Variants in ZW10 observed in about 807,000 individuals in gnomAD.
The protein encoded by ZW10 is zw10 kinetochore protein, also known as centromere/kinetochore protein zw10 homolog.
A neutral mutation model predicts 87.8 loss-of-function variants in ZW10; 53 were observed. That is an observed-to-expected ratio of 0.60 (90% CI 0.48 to 0.76). The LOEUF is 0.76. Ranked by LOEUF, ZW10 falls within the 30% of genes least tolerant of loss-of-function variation. ZW10 has a pLI of 0.00. For synonymous variants in ZW10, 312 were observed against 329.2 expected, an observed-to-expected ratio of 0.95 and a Z score of 0.57; for missense variants, 837 against 923.0, an observed-to-expected ratio of 0.91 and a Z score of 1.21.
intron 2 of ZW10, among the ~76,000 whole-genome samples, chr11:113,763,605 C>T (rs1953884379): frequency 6.6e-6 from 1 of 152,208 alleles, no homozygotes; most frequent in Non-Finnish European, 1.5e-5. Flanking sequence ...ATTTGCATTT[C>T]TCTGATTCAG....
intron 11 of ZW10, among the ~76,000 whole-genome samples, chr11:113,740,906 A>T (rs750130099): frequency 2.8e-4 from 43 of 152,234 alleles, no homozygotes; most frequent in Non-Finnish European, 4.7e-4. Flanking sequence ...ATCCCCAAGG[A>T]CAAGGCTGTC....
At chr11:113,759,395 A>G (rs1953833556) in intron 5 of ZW10, among the ~76,000 whole-genome samples, 1 of 152,182 alleles carries the variant, frequency 6.6e-6, no homozygotes, top group African/African-American at 2.4e-5. Flanking sequence ...ACATACACAT[A>G]TGCACATATG....
At chr11:113,760,710 A>AAAAAAAAAAAAAAAAAC in intron 3 of ZW10, 107 bp downstream of exon 3, 1 of 510,118 alleles carries the variant, frequency 2.0e-6, no homozygotes, top group Non-Finnish European at 3.1e-6. Flanking sequence ...AAAAAGAAAG[A>AAAAAAAAAAAAAAAAAC]AAAAAAAATA....
In ZW10 at chr11:113,760,536, T is replaced by C. The variant is rs1247702265; in HGVS notation, c.397A>G (p.Thr133Ala). ...ACCTCTTCCAGACGCTGAGCACCAGTGACATACTTCTTCTCTGTTAATGCA... is the reference window on the plus strand; with the variant it reads ...ACCTCTTCCAGACGCTGAGCACCAGCGACATACTTCTTCTCTGTTAATGCA... ...NCALTEKKYV[T>A]GAQRLEEAQK... The change falls in exon 4 of 16, where the codon ACT (threonine) becomes GCT (alanine). Residue 133 changes from threonine to alanine, a missense_variant. Coordinates refer to ENST00000200135, the MANE Select transcript of ZW10 (RefSeq NM_004724.4). 9 of 1,613,940 alleles carry C rather than the reference T, an allele frequency of 5.6e-6. No homozygotes were observed. The highest frequency in any genetic ancestry group is 8.5e-7 in the Non-Finnish European group (1 of 1,179,934).
intron 7 of ZW10, among the ~76,000 whole-genome samples, chr11:113,754,533 G>A (rs77900725): frequency 0.085 from 12,891 of 152,008 alleles, 592 homozygotes; most frequent in Middle Eastern, 0.17. Flanking sequence ...TACTCTGCTT[G>A]TGCTCTAGAG....
At chr11:113,770,973 T>A (rs1953960320) in intron 1 of ZW10, among the ~76,000 whole-genome samples, 1 of 122,482 alleles carries the variant, frequency 8.2e-6, no homozygotes, top group Non-Finnish European at 1.8e-5. Flanking sequence ...GGATGCTATT[T>A]TTTTTTTTTT....
chr11:113,737,393 T>C (rs577448227), intron 14 of ZW10, among the ~76,000 whole-genome samples, 179 bp downstream of exon 14: 35 of 150,260 alleles, frequency 2.3e-4, no homozygotes, highest in Non-Finnish European at 3.5e-4. Context: ...CCTACTTTCA[T>C]ATAAAAGAGA....
intron 2 of ZW10, among the ~76,000 whole-genome samples, chr11:113,763,174 T>C (rs1953879688): frequency 6.6e-6 from 1 of 152,208 alleles, no homozygotes; most frequent in African/African-American, 2.4e-5. Flanking sequence ...GCTTCATCCA[T>C]ATCCCTACAA....
chr11:113,751,358 C>T (rs769230077), intron 7 of ZW10: 30 of 156,004 alleles, frequency 1.9e-4, no homozygotes, highest in Admixed American at 2.6e-4. Flanking sequence ...ACTTTTGATA[C>T]ATTTTTTCCA....
rs1268859003 is a variant in ZW10 at position 113,748,319 on chromosome 11, T to C, written c.1027A>G (p.Ile343Val). 1 of 1,613,734 alleles carries C rather than the reference T, an allele frequency of 6.2e-7. No individual in the cohort carries two copies. The highest frequency in any genetic ancestry group is 1.7e-5 in the Admixed American group (1 of 59,906). ...ATCGAATAAACCAAACAGTTTTTGATGAGGCACTCAGACAAGTCCTCCCAG... is the reference window on the plus strand; with the variant it reads ...ATCGAATAAACCAAACAGTTTTTGACGAGGCACTCAGACAAGTCCTCCCAG... ...MIWEDLSECL[I>V]KNCLVYSIPT... Residue 343 changes from isoleucine to valine, a missense_variant, in exon 8 of 16, where the codon ATC becomes GTC. By Grantham distance (29) the Ile-to-Val change is conservative. Transcript: ENST00000200135.
intron 12 of ZW10, 116 bp downstream of exon 12, chr11:113,739,097 T>C: frequency 5.2e-6 from 6 of 1,161,744 alleles, no homozygotes; most frequent in Non-Finnish European, 7.2e-6. Context: ...TCCCACTTTC[T>C]GATACAGCTC....
intron 10 of ZW10, 91 bp downstream of exon 10, chr11:113,743,711 A>G: frequency 9.3e-7 from 1 of 1,072,246 alleles, no homozygotes; most frequent in Non-Finnish European, 1.4e-6. Flanking sequence ...ATGAAAACCC[A>G]AAGAATTCCA....
At position 113,760,870 on chromosome 11, in the gene ZW10, G is replaced by C. The variant is rs746102829; in HGVS notation, c.289C>G (p.Gln97Glu). 1 of 1,613,962 alleles carries C rather than the reference G, an allele frequency of 6.2e-7. No homozygotes were observed. Among genetic ancestry groups the C allele is most frequent in the Non-Finnish European group, 8.5e-7 (1 of 1,180,024 alleles). Residue 97 changes from glutamine (Q) to glutamate (E), a missense_variant, in exon 3 of 16, where the codon CAG becomes GAG. Gln to Glu is a conservative substitution (Grantham distance 29). Transcript: ENST00000200135. ...VSTGEFTDLK[Q>E]QLERDSVVLS... ...ACAACTGAGTCTCTTTCCAACTGCT[G>C]CTTTAAGTCTGTAAATTCACCGGTT...
intron 7 of ZW10, among the ~76,000 whole-genome samples, chr11:113,755,084 T>C (rs1280086011): frequency 2.0e-5 from 3 of 152,246 alleles, no homozygotes; most frequent in Non-Finnish European, 2.9e-5. Flanking sequence ...GAGATTAATA[T>C]GTTTTGATGC....
intron 2 of ZW10, among the ~76,000 whole-genome samples, chr11:113,767,668 T>C (rs184655289): frequency 1.3e-5 from 2 of 152,290 alleles, no homozygotes; most frequent in Admixed American, 6.5e-5. Context: ...TCAAATCTGA[T>C]GTCACTCTCT....
intron 9 of ZW10, among the ~76,000 whole-genome samples, chr11:113,744,255 C>T (rs1400537623): frequency 1.3e-5 from 2 of 152,008 alleles, no homozygotes; most frequent in East Asian, 2.0e-4. Flanking sequence ...GGCGTGGCAG[C>T]GTGCGCCTGT....
chr11:113,735,008 G>A (rs1035581268), intron 15 of ZW10, among the ~76,000 whole-genome samples: 3 of 152,100 alleles, frequency 2.0e-5, no homozygotes, highest in African/African-American at 7.2e-5. Flanking sequence ...TACCCCTCAT[G>A]GAGAGCATTT....
chr11:113,733,573 A>G lies in ZW10; in HGVS notation c.*121T>C. ...GGTAAGACGTTCTTCTGTAAAGTCA[A>G]ACTTCCAAGATGTACTGGTTCACCA... On this transcript the variant is annotated 3_prime_UTR_variant, in exon 16 of 16. Transcript: ENST00000200135. 2 of 1,383,420 alleles carry G rather than the reference A, an allele frequency of 1.4e-6. No homozygotes were observed. The highest frequency in any genetic ancestry group is 2.0e-6 in the Non-Finnish European group (2 of 995,782). The allele number at this position is 1,383,420 out of a possible 1,614,324, so 85.7% of individuals were successfully genotyped here.
chr11:113,760,657 G>C, intron 3 of ZW10, 67 bp from the exon 4 acceptor site: 1 of 1,298,518 alleles, frequency 7.7e-7, no homozygotes, highest in Non-Finnish European at 1.1e-6. Flanking sequence ...TAAACATTAA[G>C]AAATGCTCCC....
Sources: allele counts gnomAD v4.1 joint callset (sites outside exome capture counted in the v4.1 genomes callset), GRCh38; gene constraint gnomAD v4.1.1; transcripts MANE v1.5; gene names NCBI Gene and HGNC (gene_info 2026-07-23, HGNC 2026-07-21).